B3GALT1: variants seen among roughly 807,000 people sequenced by gnomAD.
The protein encoded by B3GALT1 is UDP-Gal:betaGlcNAc beta 1,3-galactosyltransferase, polypeptide 1.
B3GALT1 carries 10 observed loss-of-function variants against 23.2 expected under a neutral mutation model. The ratio of observed to expected loss-of-function variants is 0.43; its 90% CI spans 0.27 to 0.73. The LOEUF (loss-of-function observed/expected upper bound fraction) is 0.73. B3GALT1 is among the 30% of genes least tolerant of loss of function. B3GALT1 has a pLI of 0.21. For synonymous variants in B3GALT1, 156 were observed against 141.5 expected (o/e 1.10, Z -0.73); for missense variants, 299 against 405.4 (o/e 0.74, Z 2.25).
At chr2:167,685,345 A>C (rs1317177521) in intron 3 of B3GALT1, among the ~76,000 whole-genome samples, 6 of 152,206 alleles carry the variant, frequency 3.9e-5, no homozygotes, top group Non-Finnish European at 7.3e-5. Flanking sequence ...CCCCAACCTC[A>C]GCCTCCTGAG....
chr2:167,708,142 C>T (rs551223536), intron 3 of B3GALT1, among the ~76,000 whole-genome samples: 1 of 152,212 alleles, frequency 6.6e-6, no homozygotes, highest in Non-Finnish European at 1.5e-5. Flanking sequence ...CACTTAGATA[C>T]AATTTCTCTC....
intron 2 of B3GALT1, among the ~76,000 whole-genome samples, chr2:167,604,074 A>G (rs1181155495): frequency 6.6e-6 from 1 of 152,178 alleles, no homozygotes; most frequent in African/African-American, 2.4e-5. Flanking sequence ...TCCTGAACTG[A>G]ATGTACTTTT....
chr2:167,780,287 G>A (rs1050398053), intron 3 of B3GALT1, among the ~76,000 whole-genome samples: 2 of 152,270 alleles, frequency 1.3e-5, no homozygotes, highest in Admixed American at 1.3e-4. Flanking sequence ...CTGGTATGCT[G>A]AGAGATTGAA....
chr2:167,456,616 A>C (rs540616700), intron 1 of B3GALT1, among the ~76,000 whole-genome samples: 2 of 152,336 alleles, frequency 1.3e-5, no homozygotes, highest in South Asian at 4.1e-4. Context: ...CTAGAAAGTC[A>C]AGGGTTCCCT....
At position 167,540,337 on chromosome 2, in the gene B3GALT1, C is replaced by T. The variant is rs147181920; in HGVS notation, c.-410+50060C>T. 3.2e-4 allele frequency among the ~76,000 whole-genome samples: 48 copies of T among 152,270 alleles called. 1 individual carries two copies. In the East Asian group the frequency reaches 7.9e-3, roughly 25 times the overall value. On this transcript the variant is annotated intron_variant, in intron 2 of 4. Transcript: ENST00000392690. ...CCAGCAGCATCCTTATCTCCTGGAG[C>T]TTGTTGGAGACAGGAAAATCTCAGG...
intron 3 of B3GALT1, among the ~76,000 whole-genome samples, chr2:167,654,347 A>C (rs1171175096): frequency 6.6e-6 from 1 of 152,142 alleles, no homozygotes; most frequent in South Asian, 2.1e-4. Flanking sequence ...CTGACCTCTG[A>C]GACTTCACCC....
rs1689045356 is a variant in B3GALT1, at chr2:167,818,738, T to C, written c.-285T>C. Among the ~76,000 whole-genome samples the C allele has an allele frequency of 6.6e-6, 1 of 152,188 alleles. No individual in the cohort carries two copies. The highest frequency in any genetic ancestry group is 2.4e-5 in the African/African-American group (1 of 41,442). ...TCCTCACACAGATGGAGACCATGCT[T>C]GATTTCCTGAACTTGTAGTAAGAAG... On this transcript the variant is annotated 5_prime_UTR_variant, in exon 4 of 5. It removes the in-frame stop codon of an upstream open reading frame in the 5' UTR. Coordinates refer to ENST00000392690, the MANE Select transcript of B3GALT1 (RefSeq NM_020981.4).
At chr2:167,402,676 A>G (rs1306556891) in intron 1 of B3GALT1, among the ~76,000 whole-genome samples, 1 of 152,178 alleles carries the variant, frequency 6.6e-6, no homozygotes, top group Non-Finnish European at 1.5e-5. Flanking sequence ...TGATAATACA[A>G]CCAGTAAGCA....
intron 1 of B3GALT1, among the ~76,000 whole-genome samples, chr2:167,323,978 A>G (rs763111159): frequency 3.9e-5 from 6 of 152,028 alleles, no homozygotes; most frequent in South Asian, 4.1e-4. Flanking sequence ...AATTTGATCA[A>G]TGTTGCCTTG....
At chr2:167,803,118 A>ACACC (rs1342545634) in intron 3 of B3GALT1, among the ~76,000 whole-genome samples, 5 of 146,856 alleles carry the variant, frequency 3.4e-5, no homozygotes, top group African/African-American at 1.3e-4. Context: ...ACACACACAC[A>ACACC]CACCCCTTGG....
At chr2:167,599,220 T>C (rs1684832194) in intron 2 of B3GALT1, among the ~76,000 whole-genome samples, 1 of 152,212 alleles carries the variant, frequency 6.6e-6, no homozygotes, top group African/African-American at 2.4e-5. Flanking sequence ...GATTCAGAGA[T>C]TACTAAAACC....
chr2:167,376,978 C>T (rs568372904), intron 1 of B3GALT1, among the ~76,000 whole-genome samples: 2 of 152,152 alleles, frequency 1.3e-5, no homozygotes, highest in South Asian at 2.1e-4. Flanking sequence ...AGGCACTTAG[C>T]GCTATAAACT....
At chr2:167,303,682 C>CACACACACACAGAGAGAG (rs535369991) in intron 1 of B3GALT1, among the ~76,000 whole-genome samples, 14 of 148,830 alleles carry the variant, frequency 9.4e-5, no homozygotes, top group East Asian at 4.1e-4. Context: ...CACACACACA[C>CACACACACACAGAGAGAG]AGAGAGAGAC....
intron 2 of B3GALT1, among the ~76,000 whole-genome samples, chr2:167,544,654 G>C (rs979992982): frequency 6.6e-6 from 1 of 152,094 alleles, no homozygotes; most frequent in Non-Finnish European, 1.5e-5. Flanking sequence ...ACCCTAAAGA[G>C]GAAGGAGACT....
chr2:167,836,429 A>G (rs371222654), intron 4 of B3GALT1, among the ~76,000 whole-genome samples: 5 of 152,236 alleles, frequency 3.3e-5, no homozygotes, highest in Admixed American at 2.0e-4. Context: ...GGGTATCAGC[A>G]ATGGAAGATG....
intron 3 of B3GALT1, among the ~76,000 whole-genome samples, chr2:167,797,057 C>T (rs1284960114): frequency 2.6e-5 from 4 of 152,040 alleles, no homozygotes; most frequent in Non-Finnish European, 5.9e-5. Flanking sequence ...TGGTGGTTTG[C>T]TGCACAGATC....
intron 3 of B3GALT1, among the ~76,000 whole-genome samples, chr2:167,784,138 AG>A (rs1297817689): frequency 2.0e-5 from 3 of 152,112 alleles, no homozygotes; most frequent in African/African-American, 7.2e-5. Flanking sequence ...CGCTGTCCCC[AG>A]GGTACTGATT....
intron 3 of B3GALT1, among the ~76,000 whole-genome samples, chr2:167,776,040 G>GCACACACACACACA (rs71003011): frequency 1.5e-4 from 21 of 142,256 alleles, no homozygotes; most frequent in African/African-American, 4.8e-4. Context: ...ATGCAACTGT[G>GCACACACACACACA]CACACACACA....
At chr2:167,434,447 T>C (rs1698747678) in intron 1 of B3GALT1, among the ~76,000 whole-genome samples, 1 of 150,534 alleles carries the variant, frequency 6.6e-6, no homozygotes, top group Admixed American at 6.6e-5. Context: ...CCCCCCAATC[T>C]TGTAAGCAAT....
Sources: allele counts gnomAD v4.1 joint callset (sites outside exome capture counted in the v4.1 genomes callset), GRCh38; gene constraint gnomAD v4.1.1; transcripts MANE v1.5; gene names NCBI Gene and HGNC (gene_info 2026-07-23, HGNC 2026-07-21).